The following CLRN3 variants were observed in gnomAD, a reference collection of about 807,000 sequenced individuals.
CLRN3 encodes clarin 3, also known as clarin-3.
In CLRN3, 12 loss-of-function variants were observed where a neutral mutation model predicts 16.7. The ratio of observed to expected loss-of-function variants is 0.72; its 90% CI spans 0.46 to 1.16. The LOEUF is 1.16. CLRN3 is among the 50% of genes most tolerant of loss of function. CLRN3 has a pLI of 0.00. For missense variants in CLRN3, 296 were observed against 274.2 expected (o/e 1.08, Z -0.56); for synonymous variants, 118 against 113.0 (o/e 1.04, Z -0.28).
chr10:127,889,754 A>G (rs1845237790), intron 1 of CLRN3, among the ~76,000 whole-genome samples: 1 of 152,232 alleles, frequency 6.6e-6, no homozygotes, highest in African/African-American at 2.4e-5. Context: ...CAGGAATTCC[A>G]TGTCCTAAAT....
At chr10:127,883,079 A>G (rs1845148303) in intron 2 of CLRN3, among the ~76,000 whole-genome samples, 1 of 152,104 alleles carries the variant, frequency 6.6e-6, no homozygotes, top group Non-Finnish European at 1.5e-5. Flanking sequence ...AAACAAAATA[A>G]CCAAGCAACA....
chr10:127,885,379 T>C (rs1166976870), intron 1 of CLRN3, among the ~76,000 whole-genome samples: 2 of 152,166 alleles, frequency 1.3e-5, no homozygotes, highest in Admixed American at 1.3e-4. Flanking sequence ...GGGGTCCTAA[T>C]TCTCCTTTGG....
chr10:127,883,275 T>C (rs1470655644), intron 2 of CLRN3, among the ~76,000 whole-genome samples: 1 of 112,170 alleles, frequency 8.9e-6, no homozygotes, highest in Non-Finnish European at 1.9e-5. Flanking sequence ...TGTTCATGTG[T>C]GTGTGTGTGT....
In CLRN3 at chr10:127,877,997, A is replaced by T; in HGVS notation, c.*152T>A. 1 of 956,536 alleles carries T rather than the reference A, an allele frequency of 1.0e-6. No individual in the cohort carries two copies. The highest frequency in any genetic ancestry group is 1.5e-6 in the Non-Finnish European group (1 of 656,582). The allele number at this position is 956,536 out of a possible 1,614,324, so 59.3% of individuals were successfully genotyped here. A position where few individuals can be genotyped will look rare whatever the true frequency, so the allele number is the denominator to read the frequency against. On this transcript the variant is annotated 3_prime_UTR_variant, in exon 3 of 3. Coordinates refer to ENST00000368671, the MANE Select transcript of CLRN3 (RefSeq NM_152311.5). ...CCTTGTGGGAAAAATTTTCAGGAGT[A>T]CAGCATCAATGAAGAACACAGTGTC...
intron 2 of CLRN3, among the ~76,000 whole-genome samples, chr10:127,880,515 C>T (rs938609177): frequency 1.3e-5 from 2 of 152,198 alleles, no homozygotes; most frequent in Non-Finnish European, 2.9e-5. Context: ...TCACTTTCCA[C>T]TCTCTGAGTT....
At chr10:127,890,415 A>G (rs898515387) in intron 1 of CLRN3, among the ~76,000 whole-genome samples, 1 of 152,138 alleles carries the variant, frequency 6.6e-6, no homozygotes, top group Admixed American at 6.5e-5. Flanking sequence ...TTATTTTGGC[A>G]CTTTGAAATC....
At chr10:127,883,630 G>T in intron 2 of CLRN3, 66 bp downstream of exon 2, 1 of 1,127,042 alleles carries the variant, frequency 8.9e-7, no homozygotes, top group Non-Finnish European at 1.4e-6. Flanking sequence ...TGTGTGAGAG[G>T]CAGAGACATG....
Position 127,877,841 on chromosome 10 carries a change from G to A in CLRN3, c.*308C>T, listed in dbSNP as rs1376502572. The A allele has an allele frequency of 6.3e-6, 2 of 318,274 alleles. No individual in the cohort carries two copies. Among genetic ancestry groups the A allele is most frequent in the Non-Finnish European group, 1.2e-5 (2 of 167,302 alleles). 19.7% of individuals were successfully genotyped at this position (318,274 alleles called of 1,614,324 possible). A position where few individuals can be genotyped will look rare whatever the true frequency, so the allele number is the denominator to read the frequency against. Reference sequence around the variant, plus strand: ...ACTGAAGTGCTTTGAGATACTCAAAGAAAAGAAACATGACACAGCCTTTTA... The same window carrying A: ...ACTGAAGTGCTTTGAGATACTCAAAAAAAAGAAACATGACACAGCCTTTTA... On this transcript the variant is annotated 3_prime_UTR_variant, in exon 3 of 3. Coordinates refer to ENST00000368671, the MANE Select transcript of CLRN3 (RefSeq NM_152311.5).
In CLRN3 at chr10:127,883,798, T is replaced by C; in HGVS notation, c.307A>G (p.Thr103Ala). ...GTAAACCCAGAGCTCAGCAGCGACG[T>C]GATCAAACTCAGGACCAGGAACAGG... The part of the protein sequence containing the change: ...TILFLVLSLI[T>A]SLLSSGFTFY... The change falls in exon 2 of 3, where the codon ACG becomes GCG. Residue 103 changes from threonine to alanine, a missense_variant. Physicochemically the swap from Thr to Ala is moderately conservative, Grantham distance 58. Coordinates refer to ENST00000368671, the MANE Select transcript of CLRN3 (RefSeq NM_152311.5). The C allele has an allele frequency of 1.9e-6, 3 of 1,614,088 alleles. No homozygotes were observed. Among genetic ancestry groups the C allele is most frequent in the Non-Finnish European group, 2.5e-6 (3 of 1,180,000 alleles).
intron 1 of CLRN3, among the ~76,000 whole-genome samples, chr10:127,892,039 A>T (rs1417936217): frequency 1.3e-5 from 2 of 152,238 alleles, no homozygotes; most frequent in Non-Finnish European, 2.9e-5. Context: ...ATATACAATT[A>T]ATAAATTAAT....
At chr10:127,887,889 C>G (rs969529138) in intron 1 of CLRN3, among the ~76,000 whole-genome samples, 1 of 152,156 alleles carries the variant, frequency 6.6e-6, no homozygotes, top group Non-Finnish European at 1.5e-5. Context: ...CTAATTGCCC[C>G]AGGAGAGAGC....
At chr10:127,888,922 C>T (rs989529701) in intron 1 of CLRN3, among the ~76,000 whole-genome samples, 4 of 152,246 alleles carry the variant, frequency 2.6e-5, no homozygotes, top group South Asian at 4.2e-4. Context: ...TTTTAAAAAA[C>T]GAGCAGGTCA....
chr10:127,887,451 C>CT lies in CLRN3; in HGVS notation c.230-3577dup, dbSNP rs112841520. 9.7e-3 allele frequency among the ~76,000 whole-genome samples: 1,356 copies of CT among 139,352 alleles called. 5 individuals carry two copies. The highest frequency in any genetic ancestry group is 0.011 in the Middle Eastern group (3 of 270). 91.4% of individuals were successfully genotyped at this position (139,352 alleles called of 152,430 possible). A position where few individuals can be genotyped will look rare whatever the true frequency, so the allele number is the denominator to read the frequency against. On this transcript the variant is annotated intron_variant, in intron 1 of 2. Transcript: ENST00000368671. ...ATTCACTGGTAAATGGTTCACATTC[C>CT]TTTTTTTTTTTTTTCAGAGTAAATT...
chr10:127,885,569 C>G (rs974219987), intron 1 of CLRN3, among the ~76,000 whole-genome samples: 1 of 152,048 alleles, frequency 6.6e-6, no homozygotes, highest in African/African-American at 2.4e-5. Context: ...CTCTATTTCT[C>G]TTTCTCTCTT....
chr10:127,888,794 G>A (rs183996442), intron 1 of CLRN3, among the ~76,000 whole-genome samples: 2 of 152,222 alleles, frequency 1.3e-5, no homozygotes, highest in Non-Finnish European at 2.9e-5. Flanking sequence ...ATTTCAAGCA[G>A]GCCACATCCA....
rs1370766187 is a variant in CLRN3, at chr10:127,882,385, CA to C, written c.409+1310del. Among the ~76,000 whole-genome samples the C allele has an allele frequency of 2.6e-5, 4 of 152,284 alleles. No individual in the cohort carries two copies. The East Asian group carries it at 7.7e-4, about 29-fold the overall frequency. On this transcript the variant is annotated intron_variant, in intron 2 of 2. Coordinates refer to ENST00000368671, the MANE Select transcript of CLRN3 (RefSeq NM_152311.5). The stretch of plus-strand genomic sequence containing the variant: ...CTGTAGTCCTGGCTTAATGCTTTTC[CA>C]TTTTAAAAAGCATCCCTCACCGTCC...
At chr10:127,889,133 C>G (rs1845230459) in intron 1 of CLRN3, among the ~76,000 whole-genome samples, 1 of 152,124 alleles carries the variant, frequency 6.6e-6, no homozygotes, top group South Asian at 2.1e-4. Flanking sequence ...AAAGTCCATC[C>G]TGGGCTGGTG....
chr10:127,889,631 A>AAAC (rs756532847), intron 1 of CLRN3, among the ~76,000 whole-genome samples: 12 of 152,246 alleles, frequency 7.9e-5, no homozygotes, highest in Admixed American at 2.0e-4. Flanking sequence ...TGAAAAAACA[A>AAAC]AACAACAACA....
intron 2 of CLRN3, among the ~76,000 whole-genome samples, 164 bp downstream of exon 2, chr10:127,883,532 T>C (rs1357213720): frequency 6.6e-6 from 1 of 152,160 alleles, no homozygotes; most frequent in Non-Finnish European, 1.5e-5. Flanking sequence ...CATAAACACT[T>C]TGGATTGACA....
Sources: allele counts gnomAD v4.1 joint callset (sites outside exome capture counted in the v4.1 genomes callset), GRCh38; gene constraint gnomAD v4.1.1; transcripts MANE v1.5; gene names NCBI Gene and HGNC (gene_info 2026-07-23, HGNC 2026-07-21).